Variants in ZNF718 observed in about 807,000 individuals in gnomAD.
ZNF718 encodes zinc finger protein 718.
In ZNF718, 3 loss-of-function variants were observed where a neutral mutation model predicts 2.6. That is an observed-to-expected ratio of 1.16 (90% CI 0.53 to 3.01). ZNF718 has a LOEUF of 3.01. ZNF718 is among the 30% of genes most tolerant of loss of function. The pLI is 0.03. For synonymous variants in ZNF718, 135 were observed against 77.9 expected, an observed-to-expected ratio of 1.73 and a Z score of -3.86; for missense variants, 468 against 230.0, an observed-to-expected ratio of 2.03 and a Z score of -6.69.
At chr4:124,931 A>T in intron 1 of ZNF718, 2 of 421,250 alleles carry the variant, frequency 4.7e-6, no homozygotes, top group Non-Finnish European at 8.6e-6. Context: ...CATCCGGAAG[A>T]CACCGCGGCG....
intron 3 of ZNF718, among the ~76,000 whole-genome samples, chr4:187,971 C>T (rs1717601608): frequency 6.6e-6 from 1 of 152,148 alleles, no homozygotes; most frequent in Non-Finnish European, 1.5e-5. Flanking sequence ...CTGGGAGTAC[C>T]TGCCCAGCAA....
At chr4:154,196 G>T (rs1298674426) in intron 3 of ZNF718, among the ~76,000 whole-genome samples, 1 of 152,192 alleles carries the variant, frequency 6.6e-6, no homozygotes, top group Non-Finnish European at 1.5e-5. Context: ...CAGCCACATG[G>T]AACTGTGAGT....
intron 3 of ZNF718, among the ~76,000 whole-genome samples, chr4:171,342 C>T (rs1717224520): frequency 6.6e-6 from 1 of 152,176 alleles, no homozygotes; most frequent in Non-Finnish European, 1.5e-5. Flanking sequence ...CAGCTGTGTG[C>T]TGGTAGAACC....
intron 3 of ZNF718, among the ~76,000 whole-genome samples, chr4:158,784 C>T (rs1258662452): frequency 6.6e-6 from 1 of 151,348 alleles, no homozygotes; most frequent in Non-Finnish European, 1.5e-5. Context: ...TGATATAGAA[C>T]TTTATATTTT....
rs183547730 is a variant in ZNF718, at chr4:143,204, T to C, written c.226+11699T>C. On this transcript the variant is annotated intron_variant, in intron 3 of 3. Coordinates refer to ENST00000510175, the MANE Select transcript of ZNF718 (RefSeq NM_001039127.6). ...TAACCAAAAAGGGGGAATTTCGTTT[T>C]GTTTTGTTTGAGACGGAGTCTCTGT... is the stretch of plus-strand genomic sequence containing the variant. 8.5e-3 allele frequency among the ~76,000 whole-genome samples: 1,294 copies of C among 152,312 alleles called. 16 individuals carry two copies. Among genetic ancestry groups the C allele is most frequent in the Middle Eastern group, 0.061 (18 of 294 alleles).
chr4:152,790 TTTTTG>T (rs1716384773), intron 3 of ZNF718, among the ~76,000 whole-genome samples: 2 of 152,082 alleles, frequency 1.3e-5, no homozygotes, highest in Non-Finnish European at 2.9e-5. Flanking sequence ...TAAATTGTTA[TTTTTG>T]TTTTAAGTTT....
intron 3 of ZNF718, among the ~76,000 whole-genome samples, chr4:176,287 A>G (rs1351339891): frequency 3.9e-5 from 6 of 152,108 alleles, no homozygotes; most frequent in African/African-American, 1.4e-4. Flanking sequence ...AGTTTCACTT[A>G]CCATTGGGAC....
chr4:199,155 G>C (rs77664329), intron 3 of ZNF718, among the ~76,000 whole-genome samples: 9,315 of 152,286 alleles, frequency 0.061, 392 homozygotes, highest in Middle Eastern at 0.11. Context: ...GGTTGATCAA[G>C]TTACCTACTG....
intron 3 of ZNF718, among the ~76,000 whole-genome samples, chr4:144,032 A>G (rs1359119538): frequency 8.5e-5 from 13 of 152,082 alleles, no homozygotes; most frequent in East Asian, 5.8e-4. Context: ...AACAGGAAAT[A>G]TCCTCTCCAT....
intron 3 of ZNF718, among the ~76,000 whole-genome samples, chr4:192,182 A>T (rs1463814173): frequency 6.6e-6 from 1 of 152,152 alleles, no homozygotes; most frequent in African/African-American, 2.4e-5. Flanking sequence ...GCGATAGCTC[A>T]GCTCGAGCCG....
At chr4:172,041 T>C (rs184641656) in intron 3 of ZNF718, among the ~76,000 whole-genome samples, 129 of 152,324 alleles carry the variant, frequency 8.5e-4, no homozygotes, top group African/African-American at 3.0e-3. Context: ...GCAAAACTTA[T>C]TTTTTCATGC....
chr4:167,651 T>C (rs1553817149), downstream of ZNF718, among the ~76,000 whole-genome samples: 1 of 152,170 alleles, frequency 6.6e-6, no homozygotes, highest in Non-Finnish European at 1.5e-5. Context: ...GCTCTCTGTT[T>C]GTCTGTTATT....
At chr4:178,549 A>G (rs575596598) in intron 3 of ZNF718, among the ~76,000 whole-genome samples, 73 of 152,274 alleles carry the variant, frequency 4.8e-4, no homozygotes, top group African/African-American at 1.7e-3. Context: ...CATCCTTGAC[A>G]ACATTGATTC....
At chr4:147,752 T>C (rs1417955742) in intron 3 of ZNF718, among the ~76,000 whole-genome samples, 1 of 152,096 alleles carries the variant, frequency 6.6e-6, no homozygotes, top group Admixed American at 6.6e-5. Context: ...TAGCCCCAGC[T>C]ACTTGGGAGG....
chr4:147,108 C>G (rs2108792180), intron 3 of ZNF718, among the ~76,000 whole-genome samples: 1 of 152,246 alleles, frequency 6.6e-6, no homozygotes, highest in African/African-American at 2.4e-5. Flanking sequence ...TTAGCTGTGA[C>G]TACAGGTGTG....
chr4:197,919 G>A (rs868913919), intron 3 of ZNF718, among the ~76,000 whole-genome samples: 1 of 152,152 alleles, frequency 6.6e-6, no homozygotes, highest in African/African-American at 2.4e-5. Flanking sequence ...ATGGAAACAT[G>A]GATGGATGGA....
intron 3 of ZNF718, among the ~76,000 whole-genome samples, chr4:187,152 G>A (rs1457807571): frequency 1.3e-5 from 2 of 151,866 alleles, no homozygotes; most frequent in Non-Finnish European, 2.9e-5. Flanking sequence ...CTTTTGTAGG[G>A]CTACTGTGGT....
chr4:160,878 A>G (rs1214210891), intron 3 of ZNF718, 34 bp from the exon 4 acceptor site: 2 of 725,982 alleles, frequency 2.8e-6, no homozygotes, highest in African/African-American at 3.5e-5. Context: ...TGAATCTAGT[A>G]AGTGGGATAA....
Position 162,247 on chromosome 4 carries a change from A to C in ZNF718, c.*125A>C, listed in dbSNP as rs534109189. ...TTTAACCGCAACTCAATCTGTTCTA[A>C]ACATAAGAGAAATGGTATTGGTGAG... On this transcript the variant is annotated 3_prime_UTR_variant, in exon 4 of 4. Coordinates refer to ENST00000510175, the MANE Select transcript of ZNF718 (RefSeq NM_001039127.6). 1.8e-6 allele frequency: 1 copy of C among 547,210 alleles called. No homozygotes were observed. Among genetic ancestry groups the C allele is most frequent in the African/African-American group, 1.9e-5 (1 of 53,396 alleles). The allele number at this position is 547,210 out of a possible 1,614,324, so 33.9% of individuals were successfully genotyped here.
Sources: gnomAD v4.1 joint callset for allele counts (sites outside exome capture counted in the v4.1 genomes callset) on GRCh38, gnomAD v4.1.1 for gene constraint, MANE v1.5 for transcripts, NCBI Gene and HGNC (gene_info 2026-07-23, HGNC 2026-07-21) for gene names.